The following CLASP2 variants were observed in gnomAD, a reference collection of about 807,000 sequenced individuals.
CLASP2 encodes CLIP-associating protein 2.
Under a neutral mutation model 194.4 loss-of-function variants are expected in CLASP2, and 47 were observed. The ratio of observed to expected loss-of-function variants is 0.24; its 90% CI spans 0.19 to 0.31. The LOEUF is 0.31. Ranked by LOEUF, CLASP2 falls within the 10% of genes least tolerant of loss-of-function variation. CLASP2 has a pLI of 1.00. For missense variants in CLASP2, 1,445 were observed against 1,823.6 expected, an observed-to-expected ratio of 0.79 and a Z score of 3.78; for synonymous variants, 619 against 633.5, an observed-to-expected ratio of 0.98 and a Z score of 0.34.
rs76295235 is a variant in CLASP2, at chr3:33,552,838, C to T, written c.3010-1443G>A. On this transcript the variant is annotated intron_variant, in intron 29 of 38. Transcript: ENST00000682230. The stretch of plus-strand genomic sequence containing the variant: ...TCCTATAGATCTGCAACTTTGAATA[C>T]TTTGACCTACATCTCCCCATTCCAC... 2.4e-4 allele frequency among the ~76,000 whole-genome samples: 36 copies of T among 152,242 alleles called. No homozygotes were observed. The East Asian group carries it at 5.4e-3, about 23-fold the overall frequency.
At position 33,630,889 on chromosome 3, in the gene CLASP2, C is replaced by A. The variant is rs149233919; in HGVS notation, c.942+1403G>T. ...TACTGATTGTTCCTACAACACTAAT[C>A]TTTCCCTTATATGAAAGCCTGTAAA... On this transcript the variant is annotated intron_variant, in intron 9 of 38. Transcript: ENST00000682230. 6.1e-3 allele frequency among the ~76,000 whole-genome samples: 932 copies of A among 152,280 alleles called. 10 individuals are homozygous for A. The highest frequency in any genetic ancestry group is 6.8e-3 in the Middle Eastern group (2 of 294).
At chr3:33,674,456 A>C (rs1414029969) in intron 6 of CLASP2, among the ~76,000 whole-genome samples, 1 of 150,912 alleles carries the variant, frequency 6.6e-6, no homozygotes, top group Non-Finnish European at 1.5e-5. Flanking sequence ...GTGTAGAGGG[A>C]AATATAAATG....
At chr3:33,712,742 C>A (rs1453326833) in intron 1 of CLASP2, among the ~76,000 whole-genome samples, 1 of 152,088 alleles carries the variant, frequency 6.6e-6, no homozygotes, top group East Asian at 1.9e-4. Context: ...GCGGGTGGAT[C>A]ATCTGAGGTC....
chr3:33,539,061 A>G (rs2057879317), intron 32 of CLASP2, 119 bp from the exon 33 acceptor site: 1 of 702,550 alleles, frequency 1.4e-6, no homozygotes, highest in Admixed American at 3.9e-5. Context: ...TTCTCAGAGC[A>G]TAATTAGCAA....
At chr3:33,703,854 A>G (rs1427686852) in intron 1 of CLASP2, among the ~76,000 whole-genome samples, 1 of 152,250 alleles carries the variant, frequency 6.6e-6, no homozygotes, top group African/African-American at 2.4e-5. Context: ...GTCCCTCAGT[A>G]GGTGAATGGA....
chr3:33,715,294 C>A (rs554815721), intron 1 of CLASP2, among the ~76,000 whole-genome samples: 6 of 152,344 alleles, frequency 3.9e-5, no homozygotes, highest in African/African-American at 1.4e-4. Context: ...AGGGATCTCA[C>A]TTTCCCATCT....
intron 8 of CLASP2, among the ~76,000 whole-genome samples, chr3:33,643,891 C>G (rs964821596): frequency 3.3e-5 from 5 of 151,860 alleles, no homozygotes; most frequent in Non-Finnish European, 5.9e-5. Context: ...TCCTCAAGAC[C>G]ATGATTTTCT....
Position 33,598,282 on chromosome 3 carries a change from C to A in CLASP2, c.1925-1548G>T, listed in dbSNP as rs534254895. On this transcript the variant is annotated intron_variant, in intron 18 of 38. Transcript: ENST00000682230. The stretch of plus-strand genomic sequence containing the variant: ...CTAAACTTCAAGTCACCTGTTAGCA[C>A]ATGATCCTGACTCTGAATCTTCAGG... Among the ~76,000 whole-genome samples, 151 of 152,184 alleles carry A rather than the reference C, an allele frequency of 9.9e-4. 1 individual carries two copies. Among genetic ancestry groups the A allele is most frequent in the Middle Eastern group, 3.4e-3 (1 of 294 alleles).
intron 20 of CLASP2, among the ~76,000 whole-genome samples, chr3:33,593,114 C>G (rs945687204): frequency 1.3e-5 from 2 of 152,134 alleles, no homozygotes; most frequent in African/African-American, 4.8e-5. Context: ...TATTTCTTTT[C>G]ATACCTCCCG....
At chr3:33,551,485 G>A (rs2059994356) in intron 29 of CLASP2, 90 bp from the exon 30 acceptor site, 3 of 1,068,626 alleles carry the variant, frequency 2.8e-6, no homozygotes, top group Non-Finnish European at 3.9e-6. Context: ...TGATGATGAT[G>A]ATTTTTTTTT....
chr3:33,507,425 A>C (rs1559775213), intron 37 of CLASP2, among the ~76,000 whole-genome samples: 1 of 152,214 alleles, frequency 6.6e-6, no homozygotes, highest in Non-Finnish European at 1.5e-5. Context: ...CTTTAAACTG[A>C]CAGTTAAACT....
chr3:33,570,866 T>C, intron 25 of CLASP2, 76 bp from the exon 26 acceptor site: 1 of 1,194,144 alleles, frequency 8.4e-7, no homozygotes, highest in East Asian at 2.8e-5. Context: ...TACATATAAT[T>C]TTCTTTAAAA....
At chr3:33,524,983 A>G (rs1278404106) in intron 34 of CLASP2, among the ~76,000 whole-genome samples, 5 of 152,206 alleles carry the variant, frequency 3.3e-5, no homozygotes, top group African/African-American at 1.2e-4. Flanking sequence ...ACAGACATAT[A>G]TGGTGCACAC....
chr3:33,678,463 ATATT>A (rs1269080723), intron 6 of CLASP2, among the ~76,000 whole-genome samples: 3 of 152,208 alleles, frequency 2.0e-5, no homozygotes, highest in East Asian at 1.9e-4. Flanking sequence ...GTGAAGTGAA[ATATT>A]TAAAGTGTTG....
chr3:33,590,592 TA>T (rs553154106), intron 21 of CLASP2, among the ~76,000 whole-genome samples: 236 of 152,328 alleles, frequency 1.5e-3, no homozygotes, highest in African/African-American at 5.3e-3. Flanking sequence ...TTAGTTGAGA[TA>T]AAAGTTTTCC....
rs182047360 is a variant in CLASP2 at position 33,659,097 on chromosome 3, G to A, written c.715+4348C>T. 13,986 of 1,498,894 alleles carry A rather than the reference G, an allele frequency of 9.3e-3. 105 individuals are homozygous for A. Among genetic ancestry groups the A allele is most frequent in the Non-Finnish European group, 9.8e-3 (11,114 of 1,128,424 alleles). The allele number at this position is 1,498,894 out of a possible 1,614,324, so 92.8% of individuals were successfully genotyped here. On this transcript the variant is annotated intron_variant, in intron 7 of 38. Transcript: ENST00000682230. ...TCGGCCTGCAGCCTGCAGACACCCG[G>A]AGCACTGTGTGACCCAGGCCTCGCT...
At chr3:33,530,396 G>A (rs569158812) in intron 34 of CLASP2, among the ~76,000 whole-genome samples, 1 of 152,264 alleles carries the variant, frequency 6.6e-6, no homozygotes, top group East Asian at 1.9e-4. Context: ...CTTCAGCCCA[G>A]GAGGGTGAGG....
chr3:33,506,640 T>C (rs1261569585), intron 37 of CLASP2, among the ~76,000 whole-genome samples: 1 of 152,118 alleles, frequency 6.6e-6, no homozygotes, highest in Non-Finnish European at 1.5e-5. Flanking sequence ...TTTCTGTGCA[T>C]CACTCCTTGA....
rs764729413 is a variant in CLASP2, at chr3:33,619,678, T to C, written c.1242A>G (p.Thr414=). 1.8e-5 allele frequency: 29 copies of C among 1,571,634 alleles called. No homozygotes were observed. In the Admixed American group the frequency reaches 4.8e-4, roughly 26 times the overall value. ...FDHGAEAIVP[T]LFNLVPNSAK... ...CACTATTGGGGACGAGATTAAAAAG[T>C]GTAGGTACAATGGCTTCAGCGCCAT... Residue 414 remains threonine, a synonymous_variant, in exon 12 of 39, where the codon ACA becomes ACG. Coordinates refer to ENST00000682230, the MANE Select transcript of CLASP2 (RefSeq NM_001365631.1).
Sources: gnomAD v4.1 joint callset for allele counts (sites outside exome capture counted in the v4.1 genomes callset) on GRCh38, gnomAD v4.1.1 for gene constraint, MANE v1.5 for transcripts, NCBI Gene and HGNC (gene_info 2026-07-23, HGNC 2026-07-21) for gene names.